Variants in COL6A6 observed in about 807,000 individuals in gnomAD.
COL6A6 encodes collagen alpha-6(VI) chain.
A neutral mutation model predicts 208.6 loss-of-function variants in COL6A6; 183 were observed. That is an observed-to-expected ratio of 0.88 (90% CI 0.78 to 0.99). COL6A6 has a LOEUF of 0.99. COL6A6 is among the 50% of genes least tolerant of loss of function. The pLI is 0.00. For missense variants in COL6A6, 2,816 were observed against 2,815.2 expected (o/e 1.00, Z -0.01); for synonymous variants, 973 against 1,011.8 (o/e 0.96, Z 0.73).
At chr3:130,656,108 A>T (rs1462313549) in intron 33 of COL6A6, among the ~76,000 whole-genome samples, 1 of 152,148 alleles carries the variant, frequency 6.6e-6, no homozygotes, top group African/African-American at 2.4e-5. Context: ...TTGAGCTCCT[A>T]GGTCTGGGCT....
At chr3:130,534,240 T>A (rs1057230776) in intron 1 of COL6A6, among the ~76,000 whole-genome samples, 11 of 152,168 alleles carry the variant, frequency 7.2e-5, no homozygotes, top group African/African-American at 2.7e-4. Flanking sequence ...CCTCACTGTT[T>A]TAATATGCAT....
chr3:130,665,201 G>C, intron 36 of COL6A6, 105 bp downstream of exon 36: 1 of 671,132 alleles, frequency 1.5e-6, no homozygotes, highest in Non-Finnish European at 2.5e-6. Flanking sequence ...ATCTTATTTG[G>C]ACAAAAATCT....
At chr3:130,588,945 A>G in intron 11 of COL6A6, 145 bp from the exon 12 acceptor site, 1 of 412,958 alleles carries the variant, frequency 2.4e-6, no homozygotes, top group East Asian at 4.3e-5. Context: ...AAAAAGTTTC[A>G]TGCATTCTTT....
chr3:130,570,716 C>G (rs1304984208), intron 6 of COL6A6, 102 bp from the exon 7 acceptor site: 5 of 812,614 alleles, frequency 6.2e-6, no homozygotes, highest in Admixed American at 5.2e-5. Flanking sequence ...ACAGCATGAT[C>G]CCCTTGGAGA....
intron 21 of COL6A6, among the ~76,000 whole-genome samples, chr3:130,607,241 A>G (rs1402112635): frequency 2.0e-5 from 3 of 152,220 alleles, no homozygotes; most frequent in African/African-American, 7.2e-5. Context: ...ACAAACTTGA[A>G]TAACTTAGTA....
chr3:130,652,569 C>T (rs1033593317), intron 33 of COL6A6, among the ~76,000 whole-genome samples: 6 of 152,150 alleles, frequency 3.9e-5, no homozygotes, highest in Non-Finnish European at 7.4e-5. Flanking sequence ...CCCACCCTGA[C>T]GCTGGAAGAT....
chr3:130,659,195 G>A (rs981915950), intron 34 of COL6A6, among the ~76,000 whole-genome samples: 1 of 152,146 alleles, frequency 6.6e-6, no homozygotes, highest in African/African-American at 2.4e-5. Context: ...CAGTCAAAGT[G>A]GAAAATAGCA....
intron 1 of COL6A6, among the ~76,000 whole-genome samples, chr3:130,539,632 C>CA (rs67040926): frequency 0.069 from 9,496 of 137,350 alleles, 441 homozygotes; most frequent in South Asian, 0.17. Context: ...GACTCCGTCT[C>CA]AAAAAAAAAA....
chr3:130,529,026 C>T (rs2062023109), intron 1 of COL6A6, among the ~76,000 whole-genome samples: 1 of 152,114 alleles, frequency 6.6e-6, no homozygotes, highest in African/African-American at 2.4e-5. Flanking sequence ...GGAGCTGGAG[C>T]TTGCAGTGAG....
intron 31 of COL6A6, among the ~76,000 whole-genome samples, chr3:130,643,556 C>T (rs2065378878): frequency 6.6e-6 from 1 of 152,042 alleles, no homozygotes; most frequent in Non-Finnish European, 1.5e-5. Flanking sequence ...TTTTTTCTTT[C>T]TCAAAATTTT....
chr3:130,662,404 T>G (rs1403753879), intron 35 of COL6A6, 96 bp downstream of exon 35: 9 of 1,232,222 alleles, frequency 7.3e-6, no homozygotes, highest in Admixed American at 6.6e-5. Context: ...TGGAAACCTC[T>G]TGTCTGTCTT....
At chr3:130,651,192 C>G (rs1053828873) in intron 33 of COL6A6, among the ~76,000 whole-genome samples, 17 of 152,168 alleles carry the variant, frequency 1.1e-4, no homozygotes, top group Non-Finnish European at 2.5e-4. Flanking sequence ...TTTTGGGAGG[C>G]TGAGGCGGGC....
intron 1 of COL6A6, among the ~76,000 whole-genome samples, chr3:130,520,311 T>C (rs969545164): frequency 5.9e-5 from 9 of 152,238 alleles, no homozygotes; most frequent in Non-Finnish European, 1.3e-4. Context: ...CAAAGGAATT[T>C]AAAAGGCATA....
intron 34 of COL6A6, among the ~76,000 whole-genome samples, chr3:130,660,967 T>G (rs1412693516): frequency 6.6e-6 from 1 of 152,238 alleles, no homozygotes; most frequent in Non-Finnish European, 1.5e-5. Context: ...GTGGTCATAT[T>G]CAATAAAATC....
chr3:130,560,184 G>A (rs1381253155), intron 1 of COL6A6, 150 bp from the exon 2 acceptor site: 8 of 526,312 alleles, frequency 1.5e-5, no homozygotes, highest in Admixed American at 7.2e-5. Context: ...TTTCTCTAAG[G>A]CATTTCACAT....
Position 130,664,987 on chromosome 3 carries a change from G to A in COL6A6, c.6503-16G>A, listed in dbSNP as rs2066035958. The A allele has an allele frequency of 6.5e-7, 1 of 1,528,858 alleles. No individual in the cohort carries two copies. The highest frequency in any genetic ancestry group is 9.0e-7 in the Non-Finnish European group (1 of 1,113,292). 94.7% of individuals were successfully genotyped at this position (1,528,858 alleles called of 1,614,324 possible). ...AGTCATGAATACAAGACTTATCACA[G>A]ACTTTTCTCTTCTAGGTGCAATCAA... On this transcript the variant is annotated splice_polypyrimidine_tract_variant and intron_variant, in intron 35 of 36. Transcript: ENST00000358511.
rs769797783 is a variant in COL6A6 at position 130,563,290 on chromosome 3, A to G, written c.287A>G (p.Lys96Arg). Residue 96 changes from lysine to arginine, a missense_variant, in exon 3 of 37, where the codon AAG (lysine) becomes AGG (arginine). By Grantham distance (26) the Lys-to-Arg change is conservative. Transcript: ENST00000358511. Reference sequence around the variant, plus strand: ...AGCCCCATGCTGAACCACCTAAGGAAGAACTTTGGATTCATTGGCGGGTCC... The same window carrying G: ...AGCCCCATGCTGAACCACCTAAGGAGGAACTTTGGATTCATTGGCGGGTCC... ...GRSPMLNHLR[K>R]NFGFIGGSLQ... is the part of the protein sequence containing the mutation. 1.5e-5 allele frequency: 24 copies of G among 1,614,020 alleles called. No homozygotes were observed. Among genetic ancestry groups the G allele is most frequent in the Non-Finnish European group, 1.9e-5 (22 of 1,179,892 alleles).
At chr3:130,521,280 A>G (rs987996245) in intron 1 of COL6A6, among the ~76,000 whole-genome samples, 3 of 152,228 alleles carry the variant, frequency 2.0e-5, no homozygotes, top group African/African-American at 7.2e-5. Context: ...ATGTTTGGTA[A>G]GAAATTCTGA....
intron 29 of COL6A6, among the ~76,000 whole-genome samples, chr3:130,641,967 T>G (rs2065323723): frequency 6.6e-6 from 1 of 152,200 alleles, no homozygotes; most frequent in African/African-American, 2.4e-5. Context: ...ATGGTATTTC[T>G]CAATTATCAT....
Sources: gnomAD v4.1 joint callset for allele counts (sites outside exome capture counted in the v4.1 genomes callset) on GRCh38, gnomAD v4.1.1 for gene constraint, MANE v1.5 for transcripts, NCBI Gene and HGNC (gene_info 2026-07-23, HGNC 2026-07-21) for gene names.